ANK2: variants seen among roughly 807,000 people sequenced by gnomAD.
ANK2 encodes ankyrin-2.
ANK2 carries 83 observed loss-of-function variants against 360.5 expected under a neutral mutation model. The ratio of observed to expected loss-of-function variants is 0.23; its 90% CI spans 0.19 to 0.28. The LOEUF is 0.28. Among genes scored for constraint, ANK2 ranks in the 10% least tolerant of loss-of-function variants. The pLI, the probability that ANK2 is intolerant of heterozygous loss-of-function variation, is 1.00. For synonymous variants in ANK2, 1,740 were observed against 1,759.5 expected, an observed-to-expected ratio of 0.99 and a Z score of 0.28; for missense variants, 4,201 against 4,795.7, an observed-to-expected ratio of 0.88 and a Z score of 3.66.
At chr4:113,030,297 C>T (rs904303762) in intron 2 of ANK2, among the ~76,000 whole-genome samples, 7 of 152,062 alleles carry the variant, frequency 4.6e-5, no homozygotes, top group African/African-American at 1.7e-4. Flanking sequence ...ACAAGGTGGT[C>T]ATCTCTAGCC....
At chr4:112,824,854 C>G (rs984681184) in intron 1 of ANK2, among the ~76,000 whole-genome samples, 6 of 152,062 alleles carry the variant, frequency 3.9e-5, no homozygotes, top group Admixed American at 2.6e-4. Context: ...CCATGGAATT[C>G]TATTGCATGG....
chr4:113,120,355 A>G (rs568075417), intron 1 of ANK2, among the ~76,000 whole-genome samples: 2 of 152,272 alleles, frequency 1.3e-5, no homozygotes, highest in South Asian at 4.1e-4. Context: ...GCCAGTTTTT[A>G]TGTTGGAATC....
At chr4:113,245,422 G>T (rs1585930366) in intron 9 of ANK2, among the ~76,000 whole-genome samples, 1 of 152,226 alleles carries the variant, frequency 6.6e-6, no homozygotes, top group East Asian at 1.9e-4. Context: ...ATAAAGGAAA[G>T]AAGTTTAATT....
At chr4:113,346,428 T>TA (rs1377402344) in intron 35 of ANK2, among the ~76,000 whole-genome samples, 1 of 152,208 alleles carries the variant, frequency 6.6e-6, no homozygotes, top group Non-Finnish European at 1.5e-5. Context: ...ATGAAAATAT[T>TA]AGAGTTCATC....
chr4:113,226,548 A>C (rs1048206092), intron 4 of ANK2, among the ~76,000 whole-genome samples: 1 of 152,154 alleles, frequency 6.6e-6, no homozygotes, highest in Non-Finnish European at 1.5e-5. Flanking sequence ...TCCAACACAT[A>C]ATTTAAAAAA....
At chr4:112,848,239 A>G (rs2063785450) in intron 1 of ANK2, among the ~76,000 whole-genome samples, 1 of 152,028 alleles carries the variant, frequency 6.6e-6, no homozygotes, top group Non-Finnish European at 1.5e-5. Context: ...ATTCACCTGT[A>G]GCTTCCACCT....
At chr4:113,332,950 C>A in intron 28 of ANK2, 104 bp from the exon 29 acceptor site, 1 of 1,552,776 alleles carries the variant, frequency 6.4e-7, no homozygotes, top group Non-Finnish European at 8.8e-7. Flanking sequence ...GTCCCTGTCC[C>A]CAGCAAAAGA....
chr4:113,198,649 C>G (rs2098785133), intron 3 of ANK2, among the ~76,000 whole-genome samples: 1 of 151,944 alleles, frequency 6.6e-6, no homozygotes, highest in Non-Finnish European at 1.5e-5. Flanking sequence ...TTCAGTAAAC[C>G]TTTTTTTAGT....
intron 2 of ANK2, among the ~76,000 whole-genome samples, chr4:113,177,695 T>C (rs1281777060): frequency 6.6e-6 from 1 of 152,182 alleles, no homozygotes; most frequent in African/African-American, 2.4e-5. Flanking sequence ...TGAGTTAGCT[T>C]TTTCTTATAG....
chr4:112,920,342 G>A (rs374713863), intron 2 of ANK2, among the ~76,000 whole-genome samples: 2 of 152,212 alleles, frequency 1.3e-5, no homozygotes, highest in African/African-American at 4.8e-5. Flanking sequence ...GGAGAGACAT[G>A]GTCTCATGAC....
rs374217873 is a variant in ANK2 at position 113,219,407 on chromosome 4, ATAT to A, written c.385-12747_385-12745del. On this transcript the variant is annotated intron_variant, in intron 4 of 45. Coordinates refer to ENST00000357077, the MANE Select transcript of ANK2 (RefSeq NM_001148.6). ...TGCATATAAAAATAAAGGCATTTAT[ATAT>A]TATTATAAAATTTTATGTGATATGG... Among the ~76,000 whole-genome samples, 913 of 151,994 alleles carry A rather than the reference ATAT, an allele frequency of 6.0e-3. 12 individuals are homozygous for A. The highest frequency in any genetic ancestry group is 0.02 in the African/African-American group (847 of 41,548).
Position 113,265,257 on chromosome 4 carries a change from T to A in ANK2, c.1485+262T>A, listed in dbSNP as rs2301716. Reference sequence around the variant, plus strand: ...TCTAAGAAATACATCGACTGATATTTTAATACTGTTTTAACCTCGGAAAGC... The same window carrying A: ...TCTAAGAAATACATCGACTGATATTATAATACTGTTTTAACCTCGGAAAGC... On this transcript the variant is annotated intron_variant, in intron 14 of 45. Coordinates refer to ENST00000357077, the MANE Select transcript of ANK2 (RefSeq NM_001148.6). Among the ~76,000 whole-genome samples the A allele has an allele frequency of 0.028, 4,299 of 152,338 alleles. 98 individuals carry two copies. The highest frequency in any genetic ancestry group is 0.067 in the East Asian group (350 of 5,186).
At position 113,317,357 on chromosome 4, in the gene ANK2, G is replaced by A. The variant is rs78118152; in HGVS notation, c.2694-350G>A. 1,786 of 339,468 alleles carry A rather than the reference G, an allele frequency of 5.3e-3. 10 individuals are homozygous for A. Among genetic ancestry groups the A allele is most frequent in the Non-Finnish European group, 7.9e-3 (1,376 of 174,740 alleles). 21.0% of individuals were successfully genotyped at this position (339,468 alleles called of 1,614,324 possible). ...AGATTAACATTTAACACAGATTTAAGCAATCTATCCTGGAATTATTTCCTG... is the reference window on the plus strand; with the variant it reads ...AGATTAACATTTAACACAGATTTAAACAATCTATCCTGGAATTATTTCCTG... On this transcript the variant is annotated intron_variant, in intron 24 of 45. Coordinates refer to ENST00000357077, the MANE Select transcript of ANK2 (RefSeq NM_001148.6).
chr4:112,972,308 T>G (rs1160853219), intron 2 of ANK2, among the ~76,000 whole-genome samples: 1 of 152,188 alleles, frequency 6.6e-6, no homozygotes. Context: ...AAGCCCTGCA[T>G]GCATTAGGTA....
chr4:112,984,660 T>G (rs545387028), intron 2 of ANK2, among the ~76,000 whole-genome samples: 3 of 152,312 alleles, frequency 2.0e-5, no homozygotes, highest in African/African-American at 7.2e-5. Flanking sequence ...TTACTATGGC[T>G]CTGGCTTCCT....
chr4:112,929,148 C>A (rs958991425), intron 2 of ANK2, among the ~76,000 whole-genome samples: 77 of 152,308 alleles, frequency 5.1e-4, no homozygotes, highest in African/African-American at 1.7e-3. Flanking sequence ...CCACCACACC[C>A]AGCCTCCATC....
At chr4:112,735,066 G>A in the ANK2 span, among the ~76,000 whole-genome samples, 7 of 152,152 alleles carry the variant, frequency 4.6e-5, no homozygotes. Context: ...GATACACACT[G>A]GAAATATAAC....
chr4:112,725,286 C>CA, the ANK2 span, among the ~76,000 whole-genome samples: 1,261 of 42,128 alleles, frequency 0.03, 26 homozygotes, highest in African/African-American at 0.078. Context: ...TGTCTCCAGA[C>CA]AAAAAAAAAA....
chr4:113,024,159 AAT>A (rs1455598979), intron 2 of ANK2, among the ~76,000 whole-genome samples: 1 of 152,212 alleles, frequency 6.6e-6, no homozygotes, highest in African/African-American at 2.4e-5. Context: ...ACCAGAAAAG[AAT>A]ATAGATAAAT....
Sources: gnomAD v4.1 joint callset for allele counts (sites outside exome capture counted in the v4.1 genomes callset) on GRCh38, gnomAD v4.1.1 for gene constraint, MANE v1.5 for transcripts, NCBI Gene and HGNC (gene_info 2026-07-23, HGNC 2026-07-21) for gene names.